The following SLC6A17 variants were observed in gnomAD, a reference collection of about 807,000 sequenced individuals.
SLC6A17 encodes sodium-dependent neutral amino acid transporter SLC6A17.
A neutral mutation model predicts 64.5 loss-of-function variants in SLC6A17; 21 were observed. The observed-to-expected ratio is 0.33, with a 90% CI of 0.23 to 0.47. SLC6A17 has a LOEUF of 0.47. Among genes scored for constraint, SLC6A17 ranks in the 20% least tolerant of loss-of-function variants. SLC6A17 has a pLI of 1.00. For missense variants in SLC6A17, 682 were observed against 963.2 expected (o/e 0.71, Z 3.86); for synonymous variants, 372 against 399.5 (o/e 0.93, Z 0.82).
At chr1:110,197,656 C>T (rs918793742) in intron 11 of SLC6A17, 57 bp downstream of exon 11, 152 of 1,507,250 alleles carry the variant, frequency 1.0e-4, no homozygotes, top group Non-Finnish European at 1.3e-4. Context: ...GCCTTGAATG[C>T]AACCACTGAT....
At chr1:110,187,744 G>T (rs1186153346) in intron 6 of SLC6A17, among the ~76,000 whole-genome samples, 1 of 152,220 alleles carries the variant, frequency 6.6e-6, no homozygotes. Context: ...TACCAGAGGA[G>T]GCCAGCCAGC....
chr1:110,151,798 T>C (rs1427849881), intron 1 of SLC6A17, among the ~76,000 whole-genome samples: 1 of 152,170 alleles, frequency 6.6e-6, no homozygotes, highest in Non-Finnish European at 1.5e-5. Flanking sequence ...TCTTTCCTTT[T>C]TTTTTTTAAG....
At chr1:110,180,506 G>A (rs1656493274) in intron 6 of SLC6A17, among the ~76,000 whole-genome samples, 1 of 152,196 alleles carries the variant, frequency 6.6e-6, no homozygotes, top group Non-Finnish European at 1.5e-5. Context: ...AGTCAGGCAA[G>A]TGAGGCCAAT....
intron 2 of SLC6A17, among the ~76,000 whole-genome samples, chr1:110,170,820 A>G (rs1172659174): frequency 6.6e-6 from 1 of 151,838 alleles, no homozygotes; most frequent in Non-Finnish European, 1.5e-5. Flanking sequence ...ATGTATGTGC[A>G]TGGTTGGCTT....
chr1:110,173,606 C>T (rs1656297124), intron 3 of SLC6A17, among the ~76,000 whole-genome samples: 1 of 152,204 alleles, frequency 6.6e-6, no homozygotes. Context: ...CATGCCTTCA[C>T]AGTCCTGGAG....
At chr1:110,196,467 G>T (rs1656971703) in intron 10 of SLC6A17, among the ~76,000 whole-genome samples, 1 of 152,168 alleles carries the variant, frequency 6.6e-6, no homozygotes, top group Non-Finnish European at 1.5e-5. Flanking sequence ...GGAGAGCACA[G>T]GAGGGGACAG....
intron 6 of SLC6A17, among the ~76,000 whole-genome samples, chr1:110,191,111 A>C (rs1656814922): frequency 6.6e-6 from 1 of 152,118 alleles, no homozygotes; most frequent in East Asian, 1.9e-4. Flanking sequence ...AGACTCTATT[A>C]CTATTCCCTT....
At chr1:110,164,116 C>G (rs1313435695) in intron 1 of SLC6A17, among the ~76,000 whole-genome samples, 1 of 152,188 alleles carries the variant, frequency 6.6e-6, no homozygotes, top group Non-Finnish European at 1.5e-5. Context: ...GTTTTGTTTG[C>G]TGCTGTATCC....
Position 110,201,817 on chromosome 1 carries a change from C to T in SLC6A17, c.*3373C>T, listed in dbSNP as rs1657137034. The T allele has an allele frequency of 6.6e-6, 1 of 152,436 alleles. No individual in the cohort carries two copies. The highest frequency in any genetic ancestry group is 1.5e-5 in the Non-Finnish European group (1 of 68,292). The allele number at this position is 152,436 out of a possible 1,614,324, so 9.4% of individuals were successfully genotyped here. On this transcript the variant is annotated 3_prime_UTR_variant, in exon 12 of 12. Coordinates refer to ENST00000331565, the MANE Select transcript of SLC6A17 (RefSeq NM_001010898.4). ...ACCCCCACGCCCCACCCCACTCCCC[C>T]AGAGTACTCCCCACTGTGAAAAGAG...
intron 6 of SLC6A17, among the ~76,000 whole-genome samples, chr1:110,184,193 C>T (rs961634925): frequency 6.6e-6 from 1 of 152,166 alleles, no homozygotes; most frequent in African/African-American, 2.4e-5. Context: ...TCACTGCAAC[C>T]TCCGCCTCCC....
intron 9 of SLC6A17, 108 bp downstream of exon 9, chr1:110,194,879 C>T: frequency 7.4e-7 from 1 of 1,343,458 alleles, no homozygotes; most frequent in Non-Finnish European, 1.0e-6. Flanking sequence ...CCAGAAGGCT[C>T]CACCCCACAC....
chr1:110,172,412 C>T (rs1267824682), intron 3 of SLC6A17, 195 bp downstream of exon 3: 2 of 694,858 alleles, frequency 2.9e-6, no homozygotes, highest in Non-Finnish European at 4.6e-6. Context: ...TGAGAGTCGA[C>T]CACGTTGCCT....
At chr1:110,168,087 C>T (rs1656115323) in intron 2 of SLC6A17, 2 of 152,222 alleles carry the variant, frequency 1.3e-5, no homozygotes, top group Admixed American at 1.3e-4. Flanking sequence ...AACCAGAGAT[C>T]AACTAACTAA....
chr1:110,172,724 G>C (rs1317256626), intron 3 of SLC6A17, among the ~76,000 whole-genome samples: 2 of 152,190 alleles, frequency 1.3e-5, no homozygotes, highest in Non-Finnish European at 2.9e-5. Flanking sequence ...GGAAACTTAA[G>C]GTCAACCCAA....
intron 6 of SLC6A17, among the ~76,000 whole-genome samples, chr1:110,189,293 C>G (rs2100945060): frequency 6.6e-6 from 1 of 152,316 alleles, no homozygotes; most frequent in East Asian, 1.9e-4. Context: ...CCAACACCAT[C>G]AACCTGTTCC....
At position 110,192,173 on chromosome 1, in the gene SLC6A17, G is replaced by A; in HGVS notation, c.1066G>A (p.Gly356Ser). 6.2e-7 allele frequency: 1 copy of A among 1,613,940 alleles called. No homozygotes were observed. Among genetic ancestry groups the A allele is most frequent in the Non-Finnish European group, 8.5e-7 (1 of 1,179,842 alleles). ...CACCCTCGTGGTGTTTGCTGTGCTG[G>A]GCTTCAAGGCCAACATCATGAATGA... ...LATLVVFAVL[G>S]FKANIMNEKC... The change falls in exon 7 of 12, where the codon GGC becomes AGC. Residue 356 changes from glycine (G) to serine (S), a missense_variant. By Grantham distance (56) the Gly-to-Ser change is moderately conservative. Around this residue, in one of 3 missense-constraint regions of SLC6A17, gnomAD observed 415 missense variants for 603.8 expected, o/e 0.69. Coordinates refer to ENST00000331565, the MANE Select transcript of SLC6A17 (RefSeq NM_001010898.4). This position sits in a 1 kb window ranked among gnomAD's most constrained non-coding sequence, Gnocchi z 4.3.
chr1:110,183,856 G>A (rs1186281163), intron 6 of SLC6A17, among the ~76,000 whole-genome samples: 3 of 152,142 alleles, frequency 2.0e-5, no homozygotes, highest in Admixed American at 6.5e-5. Context: ...AGAGCAGGAA[G>A]GGAGGAGGAG....
At position 110,198,696 on chromosome 1, in the gene SLC6A17, T is replaced by C. The variant is rs1657038534; in HGVS notation, c.*252T>C. 2 of 508,466 alleles carry C rather than the reference T, an allele frequency of 3.9e-6. No homozygotes were observed. Among genetic ancestry groups the C allele is most frequent in the Admixed American group, 3.8e-5 (1 of 26,262 alleles). The allele number at this position is 508,466 out of a possible 1,614,324, so 31.5% of individuals were successfully genotyped here. A position where few individuals can be genotyped will look rare whatever the true frequency, so the allele number is the denominator to read the frequency against. ...TAGCCCTCCAAGAGCCTCCGCCAAA[T>C]TGTAGCCATGTAATTGGAACAACCC... On this transcript the variant is annotated 3_prime_UTR_variant, in exon 12 of 12. Coordinates refer to ENST00000331565, the MANE Select transcript of SLC6A17 (RefSeq NM_001010898.4).
chr1:110,163,261 G>A (rs756895771), intron 1 of SLC6A17, among the ~76,000 whole-genome samples: 1 of 152,088 alleles, frequency 6.6e-6, no homozygotes, highest in Non-Finnish European at 1.5e-5. Flanking sequence ...ACCAGTTCTG[G>A]AGAAGAAAGT....
Sources: gnomAD v4.1 joint callset for allele counts (sites outside exome capture counted in the v4.1 genomes callset) on GRCh38, gnomAD v4.1.1 for gene constraint, gnomAD v4.1.1 regional missense constraint, Gnocchi (gnomAD v3.1) non-coding constraint, MANE v1.5 for transcripts, NCBI Gene and HGNC (gene_info 2026-07-23, HGNC 2026-07-21) for gene names.